Variants in SP140L observed in about 807,000 individuals in gnomAD.
SP140L encodes SP140 like nuclear body protein.
SP140L carries 64 observed loss-of-function variants against 84.3 expected under a neutral mutation model. The ratio of observed to expected loss-of-function variants is 0.76; its 90% confidence interval spans 0.62 to 0.94. SP140L has a LOEUF of 0.94. SP140L is among the 40% of genes least tolerant of loss of function. The pLI, the probability that SP140L is intolerant of heterozygous loss-of-function variation, is 0.00. For synonymous variants in SP140L, 242 were observed against 236.9 expected (o/e 1.02, Z -0.20); for missense variants, 628 against 692.5 (o/e 0.91, Z 1.05).
rs1008314540 is a variant in SP140L at position 230,358,103 on chromosome 2, A to T, written c.270+136A>T. The stretch of plus-strand genomic sequence containing the variant: ...GATGGTCCTACTTCCAGCTGAGGAA[A>T]TGGTGTTCCATGGCACCCTCTGGAG... On this transcript the variant is annotated intron_variant, in intron 3 of 18. Coordinates refer to ENST00000415673, the MANE Select transcript of SP140L (RefSeq NM_138402.6). 11 of 967,514 alleles carry T rather than the reference A, an allele frequency of 1.1e-5. No homozygotes were observed. The African/African-American group carries it at 1.8e-4, about 16-fold the overall frequency. The allele number at this position is 967,514 out of a possible 1,614,324, so 59.9% of individuals were successfully genotyped here.
At chr2:230,389,872 A>T in intron 10 of SP140L, 47 bp from the exon 11 acceptor site, 1 of 1,564,746 alleles carries the variant, frequency 6.4e-7, no homozygotes, top group Non-Finnish European at 8.8e-7. Context: ...GGAAGGGGGG[A>T]TGTGCCTTTG....
At chr2:230,371,113 A>C (rs2061054068) in intron 6 of SP140L, 146 bp downstream of exon 6, 2 of 670,204 alleles carry the variant, frequency 3.0e-6, no homozygotes, top group Admixed American at 5.4e-5. Flanking sequence ...CAGAGAGGCA[A>C]GAGATCATTA....
At chr2:230,392,287 G>A (rs2061849342) in intron 12 of SP140L, 58 bp downstream of exon 12, 2 of 1,594,298 alleles carry the variant, frequency 1.3e-6, no homozygotes, top group Admixed American at 1.7e-5. Context: ...CTAATAATGA[G>A]GAGACTGTTT....
intron 2 of SP140L, among the ~76,000 whole-genome samples, chr2:230,347,070 C>G (rs1422910466): frequency 1.3e-5 from 2 of 152,184 alleles, no homozygotes; most frequent in Non-Finnish European, 2.9e-5. Context: ...GAGATCTGGA[C>G]AGGTCAGCTG....
intron 2 of SP140L, among the ~76,000 whole-genome samples, chr2:230,337,825 GA>G (rs1342217368): frequency 6.6e-6 from 1 of 152,080 alleles, no homozygotes; most frequent in African/African-American, 2.4e-5. Flanking sequence ...CGTTATTTCT[GA>G]GGGCTCTGTT....
At chr2:230,368,237 T>G (rs1024902810) in intron 5 of SP140L, among the ~76,000 whole-genome samples, 1 of 152,220 alleles carries the variant, frequency 6.6e-6, no homozygotes, top group Non-Finnish European at 1.5e-5. Context: ...AGGACACCTT[T>G]GCCAAATACA....
chr2:230,344,254 C>A (rs184097304), intron 2 of SP140L, among the ~76,000 whole-genome samples: 2 of 152,196 alleles, frequency 1.3e-5, no homozygotes, highest in East Asian at 3.9e-4. Flanking sequence ...TGAATTGAAC[C>A]CTTTACCATT....
At chr2:230,359,211 T>TATCGCACATGGTAG in intron 4 of SP140L, 79 bp downstream of exon 4, 1 of 1,261,872 alleles carries the variant, frequency 7.9e-7, no homozygotes, top group Non-Finnish European at 1.1e-6. Context: ...TCCTACCATG[T>TATCGCACATGGTAG]GCGATACATT....
chr2:230,343,927 T>A (rs574583465), intron 2 of SP140L, among the ~76,000 whole-genome samples: 1 of 152,116 alleles, frequency 6.6e-6, no homozygotes, highest in African/African-American at 2.4e-5. Flanking sequence ...TGCTGAGGAG[T>A]ATTTTACTTC....
chr2:230,400,042 T>A (rs1212590840), intron 14 of SP140L, 85 bp from the exon 15 acceptor site: 6 of 1,400,336 alleles, frequency 4.3e-6, no homozygotes, highest in South Asian at 1.2e-5. Flanking sequence ...GGCTCACACA[T>A]AAGCAGTGTG....
At chr2:230,368,833 C>T (rs969833991) in intron 5 of SP140L, among the ~76,000 whole-genome samples, 2 of 152,120 alleles carry the variant, frequency 1.3e-5, no homozygotes, top group South Asian at 2.1e-4. Flanking sequence ...TTAAATTTCT[C>T]ATTTTGGTCA....
intron 7 of SP140L, among the ~76,000 whole-genome samples, chr2:230,373,851 C>T (rs2061162586): frequency 6.6e-6 from 1 of 152,208 alleles, no homozygotes; most frequent in Non-Finnish European, 1.5e-5. Flanking sequence ...GGAAAGGATT[C>T]ACCATTTCAC....
In SP140L at chr2:230,400,121, T is replaced by G. The variant is rs1183681173; in HGVS notation, c.1198-6T>G. 1 of 1,613,872 alleles carries G rather than the reference T, an allele frequency of 6.2e-7. No individual in the cohort carries two copies. The highest frequency in any genetic ancestry group is 1.3e-5 in the African/African-American group (1 of 74,910). ...CCAGTGACGTGGACACTGTTTTACC[T>G]TCTAGATGAGAAACTTGGATGAGTG... On this transcript the variant is annotated splice_polypyrimidine_tract_variant and splice_region_variant and intron_variant, in intron 14 of 18. Coordinates refer to ENST00000415673, the MANE Select transcript of SP140L (RefSeq NM_138402.6).
chr2:230,333,091 T>C (rs1208962794), intron 2 of SP140L, among the ~76,000 whole-genome samples: 1 of 152,132 alleles, frequency 6.6e-6, no homozygotes, highest in Non-Finnish European at 1.5e-5. Flanking sequence ...TCTAAATGTA[T>C]AGTTTGGAAA....
chr2:230,368,749 A>G (rs2060964685), intron 5 of SP140L, among the ~76,000 whole-genome samples: 2 of 151,538 alleles, frequency 1.3e-5, no homozygotes, highest in Non-Finnish European at 2.9e-5. Flanking sequence ...TCTTTGTTGC[A>G]TTTTTTCATT....
intron 2 of SP140L, among the ~76,000 whole-genome samples, chr2:230,346,395 G>T (rs1156945600): frequency 1.3e-5 from 2 of 152,046 alleles, no homozygotes; most frequent in Non-Finnish European, 2.9e-5. Context: ...GGAACTTTGG[G>T]CCTCAAGAAC....
intron 12 of SP140L, 88 bp downstream of exon 12, chr2:230,392,317 G>A (rs1055120191): frequency 1.9e-6 from 3 of 1,578,142 alleles, no homozygotes; most frequent in Non-Finnish European, 2.6e-6. Flanking sequence ...ATATTTGTTA[G>A]GTTATAGCTA....
chr2:230,393,534 G>C, intron 13 of SP140L, 73 bp downstream of exon 13: 1 of 1,454,870 alleles, frequency 6.9e-7, no homozygotes, highest in Non-Finnish European at 9.0e-7. Flanking sequence ...TTATTTTATG[G>C]AGTCTCCAAT....
chr2:230,352,714 G>A (rs10170241), intron 2 of SP140L, among the ~76,000 whole-genome samples: 112,431 of 151,994 alleles, frequency 0.74, 43,228 homozygotes, highest in East Asian at 1. Flanking sequence ...TATACAACAT[G>A]TATTACTGTA....
Sources: gnomAD v4.1 joint callset for allele counts (sites outside exome capture counted in the v4.1 genomes callset) on GRCh38, gnomAD v4.1.1 for gene constraint, MANE v1.5 for transcripts, NCBI Gene and HGNC (gene_info 2026-07-23, HGNC 2026-07-21) for gene names.